Variants in GRAMD2B observed in about 807,000 individuals in gnomAD.
GRAMD2B encodes GRAM domain containing 2B, also known as GRAM domain-containing protein 2B.
Under a neutral mutation model 59.2 loss-of-function variants are expected in GRAMD2B, and 41 were observed. That is an observed-to-expected ratio of 0.69 (90% CI 0.54 to 0.90). The LOEUF (loss-of-function observed/expected upper bound fraction) is 0.90. Among genes scored for constraint, GRAMD2B ranks in the 40% least tolerant of loss-of-function variants. The pLI is 0.00. For synonymous variants in GRAMD2B, 161 were observed against 182.7 expected, an observed-to-expected ratio of 0.88 and a Z score of 0.96; for missense variants, 424 against 500.5, an observed-to-expected ratio of 0.85 and a Z score of 1.46.
rs568034454 is a variant in GRAMD2B at position 126,399,501 on chromosome 5, G to T, written c.125+27934G>T. Among the ~76,000 whole-genome samples the T allele has an allele frequency of 9.2e-5, 14 of 152,150 alleles. No homozygotes were observed. The South Asian group carries it at 1.7e-3, about 18-fold the overall frequency. ...AAGTGTTTGGCAGTTCCTCCCTTTT[G>T]CTCTCTCCTCCCACCATGTAAGACA... On this transcript the variant is annotated intron_variant, in intron 1 of 8. Coordinates refer to the GRAMD2B transcript ENST00000506445.
intron 1 of GRAMD2B, among the ~76,000 whole-genome samples, chr5:126,374,164 C>T (rs1754993647): frequency 6.6e-6 from 1 of 152,190 alleles, no homozygotes; most frequent in South Asian, 2.1e-4. Flanking sequence ...CAATGTCATT[C>T]TGTGTTCCAA....
chr5:126,392,409 C>A (rs1320009164), intron 1 of GRAMD2B, among the ~76,000 whole-genome samples: 1 of 152,108 alleles, frequency 6.6e-6, no homozygotes, highest in Non-Finnish European at 1.5e-5. Context: ...CACTTTTGCA[C>A]CAGCAACAAA....
At chr5:126,397,744 G>T (rs1757481411) in intron 1 of GRAMD2B, among the ~76,000 whole-genome samples, 1 of 152,002 alleles carries the variant, frequency 6.6e-6, no homozygotes, top group Non-Finnish European at 1.5e-5. Context: ...ATGATATATG[G>T]TCCTTTTAAT....
chr5:126,470,947 T>G (rs189824588), intron 3 of GRAMD2B, among the ~76,000 whole-genome samples: 15 of 152,338 alleles, frequency 9.8e-5, no homozygotes, highest in Middle Eastern at 3.4e-3. Flanking sequence ...TGGCCTAGCA[T>G]ATTTTAAATC....
At chr5:126,481,876 G>T (rs1292000026) in intron 8 of GRAMD2B, among the ~76,000 whole-genome samples, 1 of 151,708 alleles carries the variant, frequency 6.6e-6, no homozygotes, top group Non-Finnish European at 1.5e-5. Flanking sequence ...GCCGAGGCAG[G>T]AGAATTGCTT....
chr5:126,415,464 A>C (rs75041263), intron 1 of GRAMD2B, among the ~76,000 whole-genome samples: 1,527 of 152,214 alleles, frequency 0.01, 23 homozygotes, highest in African/African-American at 0.035. Flanking sequence ...ATGGCCTGAC[A>C]TGTAAAAGGC....
intron 1 of GRAMD2B, among the ~76,000 whole-genome samples, chr5:126,446,279 G>C (rs938901184): frequency 6.6e-6 from 1 of 152,204 alleles, no homozygotes; most frequent in Admixed American, 6.5e-5. Context: ...CTCAAAACCA[G>C]TAGGAGGTAG....
chr5:126,446,976 C>T (rs532014508), intron 1 of GRAMD2B, among the ~76,000 whole-genome samples: 95 of 152,302 alleles, frequency 6.2e-4, no homozygotes, highest in African/African-American at 2.2e-3. Flanking sequence ...CAAACTAAGG[C>T]ATGACGGCCC....
upstream of GRAMD2B, chr5:126,371,307 TGA>T: frequency 8.8e-7 from 1 of 1,132,390 alleles, no homozygotes; most frequent in Non-Finnish European, 1.1e-6. Context: ...TCAGCTAGAT[TGA>T]GTCACATGAA....
intron 1 of GRAMD2B, among the ~76,000 whole-genome samples, chr5:126,362,569 T>A (rs1012600194): frequency 6.6e-6 from 1 of 152,106 alleles, no homozygotes; most frequent in South Asian, 2.1e-4. Flanking sequence ...TATGTAGACA[T>A]ACATAAAAAA....
At chr5:126,371,408 G>T (rs1754743730) in exon 1 of GRAMD2B, 3 of 1,268,682 alleles carry the variant, frequency 2.4e-6, no homozygotes, top group Non-Finnish European at 3.1e-6. Flanking sequence ...GAGCTTTTAA[G>T]GTTGTTCCTT....
intron 1 of GRAMD2B, among the ~76,000 whole-genome samples, chr5:126,372,443 C>T (rs1434386406): frequency 1.3e-5 from 2 of 151,998 alleles, no homozygotes; most frequent in African/African-American, 4.8e-5. Flanking sequence ...AAATCATTTA[C>T]ACAAAAAGTA....
chr5:126,379,172 C>T (rs1038530247), intron 1 of GRAMD2B, among the ~76,000 whole-genome samples: 6 of 152,016 alleles, frequency 3.9e-5, no homozygotes, highest in East Asian at 1.9e-4. Flanking sequence ...TTTTCCATTC[C>T]GAGTTATTTC....
At chr5:126,462,135 T>A (rs573453779) in intron 1 of GRAMD2B, among the ~76,000 whole-genome samples, 9 of 152,338 alleles carry the variant, frequency 5.9e-5, no homozygotes, top group African/African-American at 1.9e-4. Context: ...GATTGGTTTT[T>A]TGGTTTGTTT....
chr5:126,398,460 G>A (rs1757557819), intron 1 of GRAMD2B, among the ~76,000 whole-genome samples: 1 of 151,888 alleles, frequency 6.6e-6, no homozygotes, highest in Admixed American at 6.6e-5. Context: ...TTAGATATTT[G>A]TTGTAATGTC....
chr5:126,408,243 C>T (rs1231033103), intron 1 of GRAMD2B, among the ~76,000 whole-genome samples: 1 of 152,066 alleles, frequency 6.6e-6, no homozygotes, highest in Admixed American at 6.6e-5. Context: ...AGGATAATGG[C>T]TTCAAGCTGC....
intron 1 of GRAMD2B, among the ~76,000 whole-genome samples, chr5:126,417,931 G>A (rs780270387): frequency 5.9e-5 from 9 of 152,302 alleles, no homozygotes; most frequent in African/African-American, 1.9e-4. Flanking sequence ...ACTGAACTCC[G>A]TGAAAGCTTG....
At chr5:126,449,985 C>T (rs566898231) in intron 1 of GRAMD2B, among the ~76,000 whole-genome samples, 17 of 152,244 alleles carry the variant, frequency 1.1e-4, no homozygotes, top group Admixed American at 2.6e-4. Context: ...ATTTTGGACT[C>T]CCGTAGTAAC....
chr5:126,369,676 G>A (rs956471152), upstream of GRAMD2B, among the ~76,000 whole-genome samples: 2 of 152,158 alleles, frequency 1.3e-5, no homozygotes, highest in African/African-American at 2.4e-5. Flanking sequence ...GAGTGAGTAC[G>A]AGGAAAGCTT....
Sources: gnomAD v4.1 joint callset for allele counts (sites outside exome capture counted in the v4.1 genomes callset) on GRCh38, gnomAD v4.1.1 for gene constraint, MANE v1.5 for transcripts, NCBI Gene and HGNC (gene_info 2026-07-23, HGNC 2026-07-21) for gene names.